GCNT2: variants seen among roughly 807,000 people sequenced by gnomAD.
GCNT2 encodes the protein glucosaminyl (N-acetyl) transferase 2 (I blood group).
In GCNT2, 34 loss-of-function variants were observed where a neutral mutation model predicts 34.2. The observed-to-expected ratio is 1.00, with a 90% CI of 0.76 to 1.32. The LOEUF (loss-of-function observed/expected upper bound fraction) is 1.32. GCNT2 is among the 40% of genes most tolerant of loss of function. The pLI, the probability that GCNT2 is intolerant of heterozygous loss-of-function variation, is 0.00. For synonymous variants in GCNT2, 212 were observed against 188.0 expected, an observed-to-expected ratio of 1.13 and a Z score of -1.04; for missense variants, 584 against 489.4, an observed-to-expected ratio of 1.19 and a Z score of -1.82.
chr6:10,571,763 T>C (rs979457636), intron 3 of GCNT2, among the ~76,000 whole-genome samples: 13 of 152,310 alleles, frequency 8.5e-5, no homozygotes, highest in Admixed American at 7.2e-4. Context: ...AAATGCGTTC[T>C]TTTGGGTTCA....
intron 3 of GCNT2, among the ~76,000 whole-genome samples, chr6:10,605,035 A>T (rs1342927449): frequency 6.6e-6 from 1 of 151,864 alleles, no homozygotes; most frequent in Non-Finnish European, 1.5e-5. Context: ...GGTCCCAGCT[A>T]CTTGGGATGC....
Position 10,530,217 on chromosome 6 carries a change from T to C in GCNT2, c.925+381T>C, listed in dbSNP as rs1172452491. The C allele has an allele frequency of 2.1e-5, 4 of 189,576 alleles. 1 individual carries two copies. In the South Asian group the frequency reaches 3.5e-4, roughly 16 times the overall value. The allele number at this position is 189,576 out of a possible 1,614,324, so 11.7% of individuals were successfully genotyped here. On this transcript the variant is annotated intron_variant, in intron 3 of 4. Coordinates refer to ENST00000495262, the MANE Select transcript of GCNT2 (RefSeq NM_145649.5). ...TATCTACTAAAAATACTAAAAAAAT[T>C]AGCCAGGCGTGGTGGTGCATGCCTG...
chr6:10,609,319 C>A (rs1451415743), intron 3 of GCNT2, among the ~76,000 whole-genome samples: 1 of 152,178 alleles, frequency 6.6e-6, no homozygotes, highest in African/African-American at 2.4e-5. Flanking sequence ...GGCAAGAGAG[C>A]ACATAAGAGT....
chr6:10,602,091 AGT>A (rs1378266205), intron 3 of GCNT2, among the ~76,000 whole-genome samples: 2 of 152,334 alleles, frequency 1.3e-5, no homozygotes, highest in East Asian at 3.9e-4. Context: ...ATTTCTTTGC[AGT>A]CTCATTGCTT....
intron 3 of GCNT2, among the ~76,000 whole-genome samples, chr6:10,530,762 A>C (rs1361430728): frequency 6.6e-6 from 1 of 152,096 alleles, no homozygotes; most frequent in Non-Finnish European, 1.5e-5. Context: ...ATTGCACCTT[A>C]AAGATTTCTA....
At chr6:10,540,651 C>T (rs1470408494) in intron 3 of GCNT2, among the ~76,000 whole-genome samples, 2 of 152,200 alleles carry the variant, frequency 1.3e-5, no homozygotes, top group African/African-American at 4.8e-5. Context: ...TCCAATATCA[C>T]TTTGCATGAG....
At chr6:10,544,500 G>C (rs537159747) in intron 3 of GCNT2, among the ~76,000 whole-genome samples, 61 of 146,456 alleles carry the variant, frequency 4.2e-4, no homozygotes, top group South Asian at 1.8e-3. Flanking sequence ...AGCTACTCGG[G>C]AGGCTGAGGC....
chr6:10,598,249 G>A (rs149316604), intron 3 of GCNT2, among the ~76,000 whole-genome samples: 51 of 152,282 alleles, frequency 3.3e-4, no homozygotes, highest in African/African-American at 1.2e-3. Context: ...ATGGGCTTCC[G>A]GTGACTTATC....
rs117956938 is a variant in GCNT2, at chr6:10,613,358, G to A, written c.926-7993G>A. On this transcript the variant is annotated intron_variant, in intron 3 of 4. Coordinates refer to ENST00000495262, the MANE Select transcript of GCNT2 (RefSeq NM_145649.5). ...AGAATTGGATTTTATAGTTTAAAAT[G>A]TTTTCTCAGATAATATTGACTTTTT... 4.0e-3 allele frequency among the ~76,000 whole-genome samples: 604 copies of A among 151,418 alleles called. 14 individuals are homozygous for A. The highest frequency in any genetic ancestry group is 0.03 in the Admixed American group (453 of 15,224).
Position 10,589,421 on chromosome 6 carries a change from T to C in GCNT2, c.926-31930T>C, listed in dbSNP as rs367608006. On this transcript the variant is annotated intron_variant, in intron 3 of 4. Coordinates refer to ENST00000495262, the MANE Select transcript of GCNT2 (RefSeq NM_145649.5). ...GTGTGGTGTGGGTGTATGTGTGGTG[T>C]GGGTGTGTGCGTGTCTGTGTAGACA... 8.0e-3 allele frequency among the ~76,000 whole-genome samples: 1,218 copies of C among 151,712 alleles called. 19 individuals are homozygous for C. The highest frequency in any genetic ancestry group is 0.027 in the African/African-American group (1,116 of 41,330).
intron 1 of GCNT2, among the ~76,000 whole-genome samples, chr6:10,524,852 G>C (rs1761112713): frequency 6.9e-6 from 1 of 145,142 alleles, no homozygotes; most frequent in Non-Finnish European, 1.5e-5. Context: ...AAAAAGAAAA[G>C]GAAAGAAAGA....
chr6:10,626,674 A>G lies in GCNT2; in HGVS notation c.*67A>G. The G allele has an allele frequency of 3.3e-6, 4 of 1,222,310 alleles. No homozygotes were observed. Among genetic ancestry groups the G allele is most frequent in the Non-Finnish European group, 4.8e-6 (4 of 827,096 alleles). The allele number at this position is 1,222,310 out of a possible 1,614,324, so 75.7% of individuals were successfully genotyped here. A position where few individuals can be genotyped will look rare whatever the true frequency, so the allele number is the denominator to read the frequency against. Reference sequence around the variant, plus strand: ...GGGAAGAGGAGCCTGTTTTTGTGAGAGACTTTTGCCTTCGTAATGTTAACC... The same window carrying G: ...GGGAAGAGGAGCCTGTTTTTGTGAGGGACTTTTGCCTTCGTAATGTTAACC... On this transcript the variant is annotated 3_prime_UTR_variant, in exon 5 of 5. Coordinates refer to ENST00000495262, the MANE Select transcript of GCNT2 (RefSeq NM_145649.5).
At chr6:10,582,521 T>TCATATATAA (rs1389501677) in intron 3 of GCNT2, among the ~76,000 whole-genome samples, 3 of 122,356 alleles carry the variant, frequency 2.5e-5, no homozygotes, top group African/African-American at 3.6e-5. Flanking sequence ...ATATATTATA[T>TCATATATAA]TATACATCAT....
intron 3 of GCNT2, among the ~76,000 whole-genome samples, chr6:10,563,777 A>AAAAAAATAT (rs1554130891): frequency 8.1e-5 from 2 of 24,708 alleles, no homozygotes; most frequent in African/African-American, 2.6e-4. Context: ...AAAAAAAAAA[A>AAAAAAATAT]ATATATATAT....
intron 3 of GCNT2, among the ~76,000 whole-genome samples, chr6:10,553,336 C>T (rs1353840063): frequency 1.3e-5 from 2 of 152,130 alleles, no homozygotes; most frequent in African/African-American, 4.8e-5. Flanking sequence ...AGGTCTTTTC[C>T]ACCTCCTTCA....
At chr6:10,582,223 T>G (rs1173856750) in intron 3 of GCNT2, among the ~76,000 whole-genome samples, 1 of 125,234 alleles carries the variant, frequency 8.0e-6, no homozygotes, top group East Asian at 2.1e-4. Flanking sequence ...TATATATAAT[T>G]ATATATATTT....
At chr6:10,625,708 C>A (rs1047854577) in intron 4 of GCNT2, among the ~76,000 whole-genome samples, 12 of 152,072 alleles carry the variant, frequency 7.9e-5, no homozygotes, top group African/African-American at 2.9e-4. Flanking sequence ...TTTAGTAATA[C>A]CGTAGGCCCC....
chr6:10,611,927 G>C (rs1765576611), intron 3 of GCNT2, among the ~76,000 whole-genome samples: 1 of 151,812 alleles, frequency 6.6e-6, no homozygotes, highest in African/African-American at 2.4e-5. Context: ...GCAAATATTT[G>C]TGCATGGTTT....
chr6:10,523,624 A>C (rs539400399), intron 1 of GCNT2, among the ~76,000 whole-genome samples: 1 of 151,914 alleles, frequency 6.6e-6, no homozygotes, highest in African/African-American at 2.4e-5. Context: ...TAGGTGCCCT[A>C]CCTCCAGAAT....
Sources: gnomAD v4.1 joint callset for allele counts (sites outside exome capture counted in the v4.1 genomes callset) on GRCh38, gnomAD v4.1.1 for gene constraint, MANE v1.5 for transcripts, NCBI Gene and HGNC (gene_info 2026-07-23, HGNC 2026-07-21) for gene names.